ANKFN1: variants seen among roughly 807,000 people sequenced by gnomAD.
ANKFN1 encodes ankyrin repeat and fibronectin type-III domain-containing protein 1.
A neutral mutation model predicts 108.7 loss-of-function variants in ANKFN1; 74 were observed. The observed-to-expected ratio is 0.68, with a 90% CI of 0.56 to 0.83. ANKFN1 has a LOEUF of 0.83. Among genes scored for constraint, ANKFN1 ranks in the 40% least tolerant of loss-of-function variants. The pLI is 0.00. For missense variants in ANKFN1, 1,505 were observed against 1,382.3 expected (o/e 1.09, Z -1.41); for synonymous variants, 547 against 516.2 (o/e 1.06, Z -0.81).
At chr17:56,414,006 T>C (rs767634406) in intron 8 of ANKFN1, among the ~76,000 whole-genome samples, 2 of 152,230 alleles carry the variant, frequency 1.3e-5, no homozygotes, top group Admixed American at 1.3e-4. Context: ...TTTGTATAGG[T>C]TGAACCAAAC....
At chr17:56,069,287 T>G (rs1905094792) in intron 4 of ANKFN1, among the ~76,000 whole-genome samples, 1 of 152,164 alleles carries the variant, frequency 6.6e-6, no homozygotes, top group South Asian at 2.1e-4. Context: ...ACCAGAGGGT[T>G]TAATGCTTTG....
intron 15 of ANKFN1, among the ~76,000 whole-genome samples, chr17:56,474,997 CT>C (rs1488210084): frequency 6.6e-6 from 1 of 152,104 alleles, no homozygotes; most frequent in East Asian, 1.9e-4. Flanking sequence ...TTAGATGTTT[CT>C]CCCAGTTGTG....
At position 56,514,313 on chromosome 17, in the gene ANKFN1, A is replaced by C. The variant is rs912656745; in HGVS notation, c.*3044A>C. Among the ~76,000 whole-genome samples the C allele has an allele frequency of 6.6e-6, 1 of 152,212 alleles. No individual in the cohort carries two copies. Among genetic ancestry groups the C allele is most frequent in the Admixed American group, 6.5e-5 (1 of 15,284 alleles). On this transcript the variant is annotated 3_prime_UTR_variant, in exon 21 of 21. Coordinates refer to ENST00000682825, the MANE Select transcript of ANKFN1 (RefSeq NM_001370326.1). ...TGAAACATAGTCCTAGGCCACAAGA[A>C]GCTCACAATCTGATCTAAGAATGTA...
intron 4 of ANKFN1, among the ~76,000 whole-genome samples, chr17:56,119,931 C>T (rs1906507220): frequency 6.6e-6 from 1 of 152,126 alleles, no homozygotes; most frequent in Non-Finnish European, 1.5e-5. Flanking sequence ...TAAATGGCAG[C>T]ACTTATTATT....
intron 4 of ANKFN1, among the ~76,000 whole-genome samples, chr17:56,073,833 A>G (rs1905147810): frequency 6.6e-6 from 1 of 152,226 alleles, no homozygotes; most frequent in African/African-American, 2.4e-5. Context: ...TCCAGCACGT[A>G]TCAGTAGTCC....
chr17:56,382,394 A>G lies in ANKFN1; in HGVS notation c.910+7680A>G, dbSNP rs374585486. 4.7e-3 allele frequency among the ~76,000 whole-genome samples: 715 copies of G among 152,344 alleles called. 16 individuals are homozygous for G. In the East Asian group the frequency reaches 0.053, roughly 11 times the overall value. ...AAAATCATGCCAAATTGTAAAGACC[A>G]TCGAGGCTAGGAAGAAACTGCATCA... On this transcript the variant is annotated intron_variant, in intron 8 of 20. Coordinates refer to ENST00000682825, the MANE Select transcript of ANKFN1 (RefSeq NM_001370326.1).
chr17:56,389,019 A>C (rs1169430854), intron 8 of ANKFN1, among the ~76,000 whole-genome samples: 1 of 152,118 alleles, frequency 6.6e-6, no homozygotes, highest in Non-Finnish European at 1.5e-5. Flanking sequence ...AAAAAAAAAA[A>C]AAAAAACTAA....
intron 14 of ANKFN1, among the ~76,000 whole-genome samples, chr17:56,463,127 A>G (rs1231595386): frequency 6.6e-6 from 1 of 152,194 alleles, no homozygotes; most frequent in Non-Finnish European, 1.5e-5. Context: ...GACTACTTTC[A>G]TTTATTTAAC....
intron 4 of ANKFN1, among the ~76,000 whole-genome samples, chr17:56,116,303 T>G (rs1374972059): frequency 6.6e-6 from 1 of 152,176 alleles, no homozygotes; most frequent in Non-Finnish European, 1.5e-5. Flanking sequence ...TAGCAAGTAT[T>G]GGATTATTAT....
At chr17:56,412,079 G>C (rs1000664231) in intron 8 of ANKFN1, among the ~76,000 whole-genome samples, 2 of 152,056 alleles carry the variant, frequency 1.3e-5, no homozygotes, top group African/African-American at 4.8e-5. Flanking sequence ...TTAAATGACT[G>C]GCAGAATTCA....
intron 8 of ANKFN1, among the ~76,000 whole-genome samples, chr17:56,412,505 A>G (rs1352097654): frequency 6.6e-6 from 1 of 152,214 alleles, no homozygotes; most frequent in East Asian, 1.9e-4. Flanking sequence ...GTGGGTACCA[A>G]CTAATCAGCT....
At chr17:56,111,414 C>G (rs1052027956) in intron 4 of ANKFN1, among the ~76,000 whole-genome samples, 1 of 151,840 alleles carries the variant, frequency 6.6e-6, no homozygotes, top group Non-Finnish European at 1.5e-5. Flanking sequence ...GCCTGTGAGT[C>G]TCTTTCTCCC....
intron 4 of ANKFN1, among the ~76,000 whole-genome samples, chr17:56,119,613 G>C (rs149316884): frequency 0.011 from 1,615 of 152,288 alleles, 11 homozygotes; most frequent in South Asian, 0.04. Flanking sequence ...AATGCTAAAA[G>C]AGTACTTATG....
chr17:56,244,450 C>A (rs907932241), intron 3 of ANKFN1, among the ~76,000 whole-genome samples: 1 of 152,114 alleles, frequency 6.6e-6, no homozygotes, highest in Non-Finnish European at 1.5e-5. Context: ...ACATCATGAA[C>A]TTCTCAATCT....
intron 19 of ANKFN1, among the ~76,000 whole-genome samples, chr17:56,492,843 A>C (rs530411963): frequency 6.6e-6 from 1 of 152,292 alleles, no homozygotes; most frequent in East Asian, 1.9e-4. Context: ...GTGGCTGTTA[A>C]GATCAGAAAA....
At chr17:56,456,461 G>A (rs1046501794) in intron 11 of ANKFN1, among the ~76,000 whole-genome samples, 3 of 135,850 alleles carry the variant, frequency 2.2e-5, no homozygotes, top group Non-Finnish European at 3.0e-5. Context: ...TGGAGAGCAC[G>A]ATCTCGGCTC....
chr17:56,213,505 G>A (rs1169985022), intron 2 of ANKFN1, among the ~76,000 whole-genome samples: 1 of 152,174 alleles, frequency 6.6e-6, no homozygotes, highest in Non-Finnish European at 1.5e-5. Flanking sequence ...ATGTGGGAGT[G>A]TGGAAGCCTC....
intron 6 of ANKFN1, 74 bp from the exon 7 acceptor site, chr17:56,372,572 C>A: frequency 6.5e-6 from 8 of 1,234,056 alleles, no homozygotes; most frequent in Non-Finnish European, 7.9e-6. Flanking sequence ...ATAGTAAACT[C>A]TGGGATATAT....
chr17:56,061,474 T>C (rs1050893324), intron 4 of ANKFN1, among the ~76,000 whole-genome samples: 1 of 151,990 alleles, frequency 6.6e-6, no homozygotes, highest in Non-Finnish European at 1.5e-5. Flanking sequence ...TGTTTCTCCA[T>C]GTTGGGCAGG....
Sources: allele counts gnomAD v4.1 joint callset (sites outside exome capture counted in the v4.1 genomes callset), GRCh38; gene constraint gnomAD v4.1.1; transcripts MANE v1.5; gene names NCBI Gene and HGNC (gene_info 2026-07-23, HGNC 2026-07-21).